Variants in SRGAP3 observed in about 807,000 individuals in gnomAD.
SRGAP3 encodes the protein SLIT-ROBO Rho GTPase activating protein 3, also known as SLIT-ROBO Rho GTPase-activating protein 3.
In SRGAP3, 39 loss-of-function variants were observed where a neutral mutation model predicts 121.1. That is an observed-to-expected ratio of 0.32 (90% CI 0.25 to 0.42). SRGAP3 has a LOEUF of 0.42. Ranked by LOEUF, SRGAP3 falls within the 10% of genes least tolerant of loss-of-function variation. SRGAP3 has a pLI of 1.00. For missense variants in SRGAP3, 1,213 were observed against 1,470.6 expected (o/e 0.82, Z 2.86); for synonymous variants, 601 against 570.0 (o/e 1.05, Z -0.77).
intron 1 of SRGAP3, among the ~76,000 whole-genome samples, chr3:9,362,336 G>T (rs1275879062): frequency 1.3e-5 from 2 of 150,924 alleles, no homozygotes; most frequent in African/African-American, 4.8e-5. Flanking sequence ...GCTAACTTTT[G>T]TATTTTTAGT....
At chr3:9,359,622 G>A (rs537222587) in intron 1 of SRGAP3, among the ~76,000 whole-genome samples, 1 of 152,248 alleles carries the variant, frequency 6.6e-6, no homozygotes, top group Admixed American at 6.5e-5. Flanking sequence ...GGCCCTCTCT[G>A]GAATAGATGC....
chr3:8,991,144 G>A (rs566050540), intron 20 of SRGAP3, among the ~76,000 whole-genome samples: 1 of 152,310 alleles, frequency 6.6e-6, no homozygotes, highest in South Asian at 2.1e-4. Flanking sequence ...AGGCCTACAG[G>A]ATTCCAACCC....
chr3:9,189,927 T>C (rs1176674276), intron 1 of SRGAP3, among the ~76,000 whole-genome samples: 4 of 152,244 alleles, frequency 2.6e-5, no homozygotes, highest in Non-Finnish European at 5.9e-5. Context: ...GTCATAATAC[T>C]ATAACCATTT....
At chr3:9,075,105 T>TA (rs1946899006) in intron 4 of SRGAP3, among the ~76,000 whole-genome samples, 1 of 152,344 alleles carries the variant, frequency 6.6e-6, no homozygotes, top group Admixed American at 6.5e-5. Context: ...CAGTGGGGCT[T>TA]ACAGTTTGTG....
intron 3 of SRGAP3, among the ~76,000 whole-genome samples, chr3:9,098,606 C>G (rs1443952765): frequency 6.6e-6 from 1 of 152,178 alleles, no homozygotes; most frequent in East Asian, 1.9e-4. Context: ...AGTATGGGCT[C>G]TGGGATTGGA....
intron 14 of SRGAP3, among the ~76,000 whole-genome samples, chr3:9,023,973 C>T (rs1017250002): frequency 6.6e-6 from 1 of 152,168 alleles, no homozygotes; most frequent in Non-Finnish European, 1.5e-5. Flanking sequence ...CTGCAGAATG[C>T]TTCCTCCACC....
intron 1 of SRGAP3, among the ~76,000 whole-genome samples, chr3:9,240,380 C>T (rs1953581742): frequency 6.6e-6 from 1 of 152,112 alleles, no homozygotes; most frequent in Admixed American, 6.5e-5. Context: ...TTTAAAAAGT[C>T]AACCCCGTCC....
chr3:9,288,134 T>C (rs528139686), intron 3 of SRGAP3, among the ~76,000 whole-genome samples: 1 of 150,590 alleles, frequency 6.6e-6, no homozygotes, highest in African/African-American at 2.4e-5. Context: ...ATCTTTGTTT[T>C]TTTTTTTTTT....
chr3:9,041,552 C>A (rs1356933082), intron 10 of SRGAP3, among the ~76,000 whole-genome samples: 1 of 152,226 alleles, frequency 6.6e-6, no homozygotes, highest in Admixed American at 6.5e-5. Flanking sequence ...TTGGACAAGC[C>A]ACTTCCTTTC....
At chr3:9,200,008 C>T (rs148119271) in intron 1 of SRGAP3, among the ~76,000 whole-genome samples, 2 of 152,254 alleles carry the variant, frequency 1.3e-5, no homozygotes, top group East Asian at 1.9e-4. Flanking sequence ...ACTGTCAGGC[C>T]GTAGGTTGGC....
intron 1 of SRGAP3, among the ~76,000 whole-genome samples, chr3:9,238,660 G>A (rs558030730): frequency 2.8e-4 from 43 of 152,300 alleles, no homozygotes; most frequent in Middle Eastern, 6.8e-3. Context: ...CCACCAAACA[G>A]ATTCACAGAA....
intron 1 of SRGAP3, among the ~76,000 whole-genome samples, chr3:9,331,695 A>G (rs1245563666): frequency 1.3e-5 from 2 of 152,224 alleles, no homozygotes; most frequent in African/African-American, 2.4e-5. Context: ...ATGACATTGC[A>G]TAAGTTGCAG....
intron 2 of SRGAP3, among the ~76,000 whole-genome samples, chr3:9,329,355 C>G (rs536524442): frequency 1.4e-4 from 21 of 152,250 alleles, no homozygotes; most frequent in African/African-American, 5.1e-4. Context: ...ACCCAGCTTG[C>G]TGCACCATCA....
intron 3 of SRGAP3, among the ~76,000 whole-genome samples, chr3:9,312,346 G>A (rs1397516495): frequency 4.6e-5 from 7 of 152,078 alleles, no homozygotes; most frequent in East Asian, 1.9e-4. Context: ...TAGTAGAGAC[G>A]GAGTTTCACC....
chr3:9,279,315 T>A (rs1290305874), intron 3 of SRGAP3, among the ~76,000 whole-genome samples: 1 of 151,920 alleles, frequency 6.6e-6, no homozygotes, highest in Non-Finnish European at 1.5e-5. Context: ...AAACACAAAG[T>A]GCTATTACCT....
At chr3:9,208,718 G>A (rs76331378) in intron 1 of SRGAP3, among the ~76,000 whole-genome samples, 2,705 of 152,276 alleles carry the variant, frequency 0.018, 47 homozygotes, top group Middle Eastern at 0.054. Context: ...AGGGAGGATG[G>A]AGGGAGTCCT....
intron 18 of SRGAP3, among the ~76,000 whole-genome samples, chr3:9,001,583 A>G (rs937638026): frequency 2.0e-5 from 3 of 152,210 alleles, no homozygotes; most frequent in Non-Finnish European, 4.4e-5. Context: ...ATCCAACTAT[A>G]TAAGTGGTAA....
intron 1 of SRGAP3, among the ~76,000 whole-genome samples, chr3:9,136,773 C>T (rs979145118): frequency 1.3e-5 from 2 of 152,328 alleles, no homozygotes; most frequent in South Asian, 4.1e-4. Context: ...ACCGGAGACT[C>T]CGCCAGGAGC....
chr3:9,299,051 C>CAAAAAAAAAAAA (rs71049787), intron 3 of SRGAP3, among the ~76,000 whole-genome samples: 1 of 70,392 alleles, frequency 1.4e-5, no homozygotes, highest in Non-Finnish European at 2.6e-5. Flanking sequence ...GACTCCATCT[C>CAAAAAAAAAAAA]AAAAAAAAAA....
Sources: allele counts gnomAD v4.1 joint callset (sites outside exome capture counted in the v4.1 genomes callset), GRCh38; gene constraint gnomAD v4.1.1; transcripts MANE v1.5; gene names NCBI Gene and HGNC (gene_info 2026-07-23, HGNC 2026-07-21).